Variants in AHNAK observed in about 807,000 individuals in gnomAD.
The protein encoded by AHNAK is neuroblast differentiation-associated protein AHNAK.
Under a neutral mutation model 37.8 loss-of-function variants are expected in AHNAK, and 23 were observed. The observed-to-expected ratio is 0.61, with a 90% CI of 0.44 to 0.86. The LOEUF (loss-of-function observed/expected upper bound fraction) is 0.86, where lower values mean the gene tolerates loss of function less well. Ranked by LOEUF, AHNAK falls within the 40% of genes least tolerant of loss-of-function variation. The pLI, the probability that AHNAK is intolerant of heterozygous loss-of-function variation, is 0.00. For missense variants in AHNAK, 7,411 were observed against 7,319.4 expected, an observed-to-expected ratio of 1.01 and a Z score of -0.46; for synonymous variants, 2,481 against 2,636.3, an observed-to-expected ratio of 0.94 and a Z score of 1.80.
chr11:62,447,986 G>T (rs1309869310), intron 5 of AHNAK, among the ~76,000 whole-genome samples: 2 of 152,058 alleles, frequency 1.3e-5, no homozygotes, highest in Non-Finnish European at 2.9e-5. Context: ...GCCCTCTCAG[G>T]TCGTGGGCAG....
At chr11:62,508,387 G>A (rs760905210) in intron 4 of AHNAK, among the ~76,000 whole-genome samples, 4 of 152,156 alleles carry the variant, frequency 2.6e-5, no homozygotes, top group Non-Finnish European at 5.9e-5. Context: ...TGTAAGATAG[G>A]GTCAGCAAAT....
rs147392644 is a variant in AHNAK, at chr11:62,516,922, C to T, written c.17495G>A (p.Ser5832Asn). 3.1e-6 allele frequency: 5 copies of T among 1,614,180 alleles called. No individual in the cohort carries two copies. The highest frequency in any genetic ancestry group is 8.5e-7 in the Non-Finnish European group (1 of 1,180,040). Reference sequence around the variant, plus strand: ...CCCAGTCACCTCATAATGACCTTTGCTCTTTGACCCCAATCCACCAAAGGT... The same window carrying T: ...CCCAGTCACCTCATAATGACCTTTGTTCTTTGACCCCAATCCACCAAAGGT... ...FGTFGGLGSK[S>N]KGHYEVTGSD... is the part of the protein sequence containing the mutation. The change falls in exon 5 of 5, where the codon AGC becomes AAC. Residue 5832 changes from serine to asparagine, a missense_variant. By Grantham distance (46) the Ser-to-Asn change is conservative (BLOSUM62 1). Transcript: ENST00000378024.
chr11:62,536,920 C>T (rs1003374778), intron 1 of AHNAK, among the ~76,000 whole-genome samples: 3 of 152,048 alleles, frequency 2.0e-5, no homozygotes, highest in Admixed American at 6.5e-5. Flanking sequence ...CACACTCTTG[C>T]CACATTCTTT....
chr11:62,519,277 G>A lies in AHNAK; in HGVS notation c.15140C>T (p.Pro5047Leu), dbSNP rs1466010534. The A allele has an allele frequency of 6.2e-7, 1 of 1,613,996 alleles. No homozygotes were observed. The highest frequency in any genetic ancestry group is 1.3e-5 in the African/African-American group (1 of 74,904). ...GAGGCTGGCATCAATTTCACCCCCA[G>A]GAACATTCAGGTCAAATCCCTGTTT... ...AKKQGFDLNV[P>L]GGEIDASLKA... Residue 5047 changes from proline (P) to leucine (L), a missense_variant, in exon 5 of 5, where the codon CCT becomes CTT. Transcript: ENST00000378024.
In AHNAK at chr11:62,433,861, G is replaced by A. The variant is rs373369784; in HGVS notation, c.*23C>T. On this transcript the variant is annotated 3_prime_UTR_variant, in exon 6 of 6. Transcript: ENST00000257247. Reference sequence around the variant, plus strand: ...GGTCACAAAAACAACCTTAAGAGGGGGTGGTTTTCTTCCTGGCCGCTTCTA... The same window carrying A: ...GGTCACAAAAACAACCTTAAGAGGGAGTGGTTTTCTTCCTGGCCGCTTCTA... The A allele has an allele frequency of 9.5e-5, 153 of 1,613,772 alleles. No homozygotes were observed. In the African/African-American group the frequency reaches 1.8e-3, roughly 19 times the overall value.
chr11:62,455,764 C>G (rs1938644024), intron 5 of AHNAK, among the ~76,000 whole-genome samples: 1 of 151,852 alleles, frequency 6.6e-6, no homozygotes, highest in Non-Finnish European at 1.5e-5. Flanking sequence ...ACTAGGGAGG[C>G]TGAGGCAGGA....
chr11:62,473,199 AGCC>A (rs1939071671), intron 5 of AHNAK, among the ~76,000 whole-genome samples: 2 of 149,820 alleles, frequency 1.3e-5, no homozygotes. Flanking sequence ...GTTCGAGACC[AGCC>A]TGGTCAACAT....
Position 62,530,379 on chromosome 11 carries a change from A to T in AHNAK, c.4038T>A (p.Pro1346=). ...KLKGDVDVSL[P]EVEGEMKVPD... is the part of the protein sequence containing the mutation. ...GCACTTTCATTTCACCTTCTACCTC[A>T]GGCAAGGACACATCCACATCTCCCT... The change falls in exon 5 of 5, where the codon CCT becomes CCA. Residue 1346 remains proline (P), a synonymous_variant. Transcript: ENST00000378024. 6.2e-7 allele frequency: 1 copy of T among 1,613,468 alleles called. No individual in the cohort carries two copies. The highest frequency in any genetic ancestry group is 8.5e-7 in the Non-Finnish European group (1 of 1,179,886).
intron 5 of AHNAK, among the ~76,000 whole-genome samples, chr11:62,439,088 T>TC (rs1938242422): frequency 8.9e-6 from 1 of 112,586 alleles, no homozygotes; most frequent in Admixed American, 1.1e-4. Context: ...TCAGTTTCCC[T>TC]ATTTTTTTTT....
rs1464154774 is a variant in AHNAK, at chr11:62,524,720, T to A, written c.9697A>T (p.Met3233Leu). 3 of 1,614,104 alleles carry A rather than the reference T, an allele frequency of 1.9e-6. No homozygotes were observed. The Admixed American group carries it at 5.0e-5, about 27-fold the overall frequency. The change falls in exon 5 of 5, where the codon ATG becomes TTG. Residue 3233 changes from methionine (M) to leucine (L), a missense_variant. Met to Leu is a conservative substitution (Grantham distance 15, BLOSUM62 2). Transcript: ENST00000378024. Reference protein sequence around the residue: ...DLDLNLKGPKMKGEVDVSLAN... With the variant: ...DLDLNLKGPKLKGEVDVSLAN... The stretch of plus-strand genomic sequence containing the variant: ...AGTGAAACATCCACCTCTCCTTTCA[T>A]TTTAGGGCCTTTAAGATTGAGGTCC...
At chr11:62,499,050 C>A (rs1590631826) in intron 4 of AHNAK, among the ~76,000 whole-genome samples, 1 of 152,168 alleles carries the variant, frequency 6.6e-6, no homozygotes, top group African/African-American at 2.4e-5. Context: ...TTCCGCCTCG[C>A]TTCTCCCACT....
intron 5 of AHNAK, among the ~76,000 whole-genome samples, chr11:62,449,531 C>A (rs1173049325): frequency 6.6e-6 from 1 of 152,174 alleles, no homozygotes; most frequent in Non-Finnish European, 1.5e-5. Context: ...ATAACCACAG[C>A]AACCGGGGAG....
At chr11:62,478,783 G>T (rs1250181522) in intron 5 of AHNAK, among the ~76,000 whole-genome samples, 3 of 145,040 alleles carry the variant, frequency 2.1e-5, no homozygotes, top group African/African-American at 7.6e-5. Flanking sequence ...AGAGAGAAAA[G>T]AAAAGAGCAA....
rs1565224778 is a variant in AHNAK, at chr11:62,519,431, G to C, written c.14986C>G (p.Leu4996Val). ...SPKADIKSPS[L>V]DVTVPEAELN... ...TCTGCCTCAGGAACAGTGACATCCAGTGAAGGTGACTTGATGTCAGCTTTG... is the reference window on the plus strand; with the variant it reads ...TCTGCCTCAGGAACAGTGACATCCACTGAAGGTGACTTGATGTCAGCTTTG... Residue 4996 changes from leucine (L) to valine (V), a missense_variant, in exon 5 of 5, where the codon CTG (leucine) becomes GTG (valine). Transcript: ENST00000378024. 1 of 1,611,884 alleles carries C rather than the reference G, an allele frequency of 6.2e-7. No individual in the cohort carries two copies. Among genetic ancestry groups the C allele is most frequent in the Non-Finnish European group, 8.5e-7 (1 of 1,179,134 alleles).
intron 5 of AHNAK, among the ~76,000 whole-genome samples, chr11:62,436,150 G>C (rs990823874): frequency 2.0e-5 from 3 of 152,186 alleles, no homozygotes; most frequent in African/African-American, 7.2e-5. Flanking sequence ...GGGTGGGGAG[G>C]AAGTTGCAGG....
Position 62,529,733 on chromosome 11 carries a change from G to C in AHNAK, c.4684C>G (p.Leu1562Val), listed in dbSNP as rs889020683. 3 of 1,613,950 alleles carry C rather than the reference G, an allele frequency of 1.9e-6. No individual in the cohort carries two copies. Among genetic ancestry groups the C allele is most frequent in the Admixed American group, 1.7e-5 (1 of 59,986 alleles). ...DVNLEAPEGK[L>V]KGPKFKMPSM... ...GGCATCTTGAACTTAGGGCCTTTTA[G>C]TTTCCCCTCTGGAGCTTCAAGATTC... The change falls in exon 5 of 5, where the codon CTA becomes GTA. Residue 1562 changes from leucine to valine, a missense_variant. Transcript: ENST00000378024.
chr11:62,504,213 A>T (rs1241390852), intron 4 of AHNAK, among the ~76,000 whole-genome samples: 2 of 152,030 alleles, frequency 1.3e-5, no homozygotes, highest in African/African-American at 2.4e-5. Context: ...AAAGAGAGAG[A>T]GAGAAAGAAA....
At chr11:62,462,326 G>C (rs999253930) in intron 5 of AHNAK, among the ~76,000 whole-genome samples, 2 of 151,826 alleles carry the variant, frequency 1.3e-5, no homozygotes, top group Non-Finnish European at 2.9e-5. Flanking sequence ...TCAAAGCTCA[G>C]CGGCCACACC....
chr11:62,505,926 G>C (rs1939803069), intron 4 of AHNAK, among the ~76,000 whole-genome samples: 1 of 147,344 alleles, frequency 6.8e-6, no homozygotes, highest in Non-Finnish European at 1.5e-5. Flanking sequence ...GGTGGCTCAT[G>C]TCTGTAATCC....
Sources: allele counts gnomAD v4.1 joint callset (sites outside exome capture counted in the v4.1 genomes callset), GRCh38; gene constraint gnomAD v4.1.1; transcripts MANE v1.5; gene names NCBI Gene and HGNC (gene_info 2026-07-23, HGNC 2026-07-21).